SNX16: variants seen among roughly 807,000 people sequenced by gnomAD.
SNX16 encodes sorting nexin 16, also known as sorting nexin-16.
A neutral mutation model predicts 36.7 loss-of-function variants in SNX16; 35 were observed. The ratio of observed to expected loss-of-function variants is 0.95; its 90% confidence interval spans 0.73 to 1.27. SNX16 has a LOEUF of 1.27. Ranked by LOEUF, SNX16 falls within the 50% of genes most tolerant of loss-of-function variation. The pLI is 0.00. For synonymous variants in SNX16, 134 were observed against 132.0 expected (o/e 1.02, Z -0.10); for missense variants, 367 against 393.6 (o/e 0.93, Z 0.57).
At chr8:81,808,505 G>A in intron 5 of SNX16, 1 of 970,932 alleles carries the variant, frequency 1.0e-6, no homozygotes, top group South Asian at 1.3e-5. Context: ...ATGGCTATAA[G>A]GGATTTGGTA....
chr8:81,827,638 G>C (rs992910754), intron 3 of SNX16, among the ~76,000 whole-genome samples: 7 of 152,054 alleles, frequency 4.6e-5, no homozygotes, highest in African/African-American at 1.2e-4. Flanking sequence ...ATCTTAAAAT[G>C]GATAAAATAA....
At chr8:81,819,994 A>G (rs1327498501) in intron 4 of SNX16, among the ~76,000 whole-genome samples, 1 of 152,082 alleles carries the variant, frequency 6.6e-6, no homozygotes, top group Admixed American at 6.6e-5. Flanking sequence ...AAGTGAAAGA[A>G]CAATTAATAA....
intron 2 of SNX16, among the ~76,000 whole-genome samples, chr8:81,832,941 C>T (rs1318625367): frequency 1.3e-5 from 2 of 151,280 alleles, no homozygotes; most frequent in African/African-American, 2.4e-5. Flanking sequence ...AACTGCAGCT[C>T]TAGAGCTGCA....
chr8:81,823,279 T>A (rs1810858249), intron 4 of SNX16, among the ~76,000 whole-genome samples: 1 of 151,974 alleles, frequency 6.6e-6, no homozygotes, highest in Non-Finnish European at 1.5e-5. Flanking sequence ...AATTTTCTTG[T>A]AAATATATTC....
rs546122847 is a variant in SNX16, at chr8:81,799,639, T to C, written c.*1858A>G. 3.7e-4 allele frequency: 57 copies of C among 152,008 alleles called. No homozygotes were observed. Among genetic ancestry groups the C allele is most frequent in the African/African-American group, 1.3e-3 (55 of 41,546 alleles). The allele number at this position is 152,008 out of a possible 1,614,324, so 9.4% of individuals were successfully genotyped here. A position where few individuals can be genotyped will look rare whatever the true frequency, so the allele number is the denominator to read the frequency against. ...ATAATACTGGGAGTAAAATGCATTATAAAAGTAAAAAAAAGTAAATTATAA... is the reference window on the plus strand; with the variant it reads ...ATAATACTGGGAGTAAAATGCATTACAAAAGTAAAAAAAAGTAAATTATAA... On this transcript the variant is annotated 3_prime_UTR_variant, in exon 8 of 8. Transcript: ENST00000345957.
At chr8:81,818,668 T>C (rs1263786127) in intron 4 of SNX16, among the ~76,000 whole-genome samples, 1 of 152,162 alleles carries the variant, frequency 6.6e-6, no homozygotes, top group East Asian at 1.9e-4. Flanking sequence ...AGTACCTTCC[T>C]CTAACTTCTT....
intron 2 of SNX16, among the ~76,000 whole-genome samples, chr8:81,830,386 C>T (rs1416164829): frequency 6.6e-6 from 1 of 151,812 alleles, no homozygotes; most frequent in African/African-American, 2.4e-5. Context: ...CTGGCTAACA[C>T]AGTGCAACCC....
intron 2 of SNX16, among the ~76,000 whole-genome samples, chr8:81,831,677 C>A: frequency 7.7e-6 from 1 of 129,782 alleles, no homozygotes; most frequent in Non-Finnish European, 1.6e-5. Flanking sequence ...TAGCGAGTGA[C>A]AGAGTGAGAC....
rs530001327 is a variant in SNX16 at position 81,811,951 on chromosome 8, A to G, written c.681+3374T>C. Reference sequence around the variant, plus strand: ...AAGGATAATGATAATGAGTCAACAAATAGAAAAATCTCAATAAAGAGAAAG... The same window carrying G: ...AAGGATAATGATAATGAGTCAACAAGTAGAAAAATCTCAATAAAGAGAAAG... On this transcript the variant is annotated intron_variant, in intron 5 of 7. Coordinates refer to ENST00000345957, the MANE Select transcript of SNX16 (RefSeq NM_152836.3). Among the ~76,000 whole-genome samples the G allele has an allele frequency of 2.0e-5, 3 of 152,264 alleles. No homozygotes were observed. The South Asian group carries it at 6.2e-4, about 32-fold the overall frequency.
chr8:81,811,821 T>TA (rs1259976388), intron 5 of SNX16, among the ~76,000 whole-genome samples: 1 of 152,126 alleles, frequency 6.6e-6, no homozygotes, highest in African/African-American at 2.4e-5. Context: ...AGGCAGTCAA[T>TA]TGAAGCTATC....
intron 2 of SNX16, among the ~76,000 whole-genome samples, chr8:81,837,418 T>G (rs1445739316): frequency 6.6e-6 from 1 of 152,218 alleles, no homozygotes; most frequent in Non-Finnish European, 1.5e-5. Flanking sequence ...GTCTGTTAGG[T>G]CTGTTATAAC....
Position 81,801,549 on chromosome 8 carries a change from G to GC in SNX16, c.982dup (p.Ala328GlyfsTer13), listed in dbSNP as rs1397424578. On this transcript the variant is annotated frameshift_variant, in exon 8 of 8. Coordinates refer to ENST00000345957, the MANE Select transcript of SNX16 (RefSeq NM_152836.3). LOFTEE classifies it high-confidence loss of function. ...TTCTGCTACTTCTATCTCTGATACA[G>GC]CATTTTCAGGTTCACTAAAACTTAA... The GC allele has an allele frequency of 8.2e-6, 13 of 1,584,942 alleles. No homozygotes were observed. The highest frequency in any genetic ancestry group is 1.0e-5 in the Non-Finnish European group (12 of 1,172,158).
Position 81,803,099 on chromosome 8 carries a change from T to A in SNX16, c.811A>T (p.Arg271Ter). The A allele has an allele frequency of 6.2e-7, 1 of 1,606,210 alleles. No homozygotes were observed. The highest frequency in any genetic ancestry group is 8.5e-7 in the Non-Finnish European group (1 of 1,176,998). Residue 271 changes from arginine (R) to a stop codon, truncating the protein, a stop_gained, in exon 6 of 8, where the codon AGA (arginine) becomes TGA (stop). Coordinates refer to ENST00000345957, the MANE Select transcript of SNX16 (RefSeq NM_152836.3). LOFTEE classifies it high-confidence loss of function. ...KQLHIDTLEN[R>*]IRTLSLEPEE... ...GCAAGTATCACAACACACCTGATTC[T>A]GTTCTCTAAAGTGTCTATATGAAGT...
intron 2 of SNX16, among the ~76,000 whole-genome samples, chr8:81,837,371 C>T (rs1054435753): frequency 2.2e-4 from 34 of 152,264 alleles, no homozygotes; most frequent in Middle Eastern, 3.4e-3. Flanking sequence ...TTGTATTTGG[C>T]CAAATACTTG....
rs545590975 is a variant in SNX16 at position 81,811,849 on chromosome 8, G to A, written c.681+3476C>T. Among the ~76,000 whole-genome samples the A allele has an allele frequency of 2.0e-5, 3 of 152,154 alleles. No homozygotes were observed. In the East Asian group the frequency reaches 5.8e-4, roughly 29 times the overall value. On this transcript the variant is annotated intron_variant, in intron 5 of 7. Coordinates refer to ENST00000345957, the MANE Select transcript of SNX16 (RefSeq NM_152836.3). ...AAGCTATCTCTAAACGGCCCCAAAT[G>A]TTAGGCATATCAGGCAGTGATTTTT...
chr8:81,813,520 G>A (rs1015390464), intron 5 of SNX16, among the ~76,000 whole-genome samples: 5 of 141,178 alleles, frequency 3.5e-5, no homozygotes, highest in African/African-American at 1.2e-4. Flanking sequence ...TGTAATGTTG[G>A]GTTAGGCAAA....
chr8:81,832,731 A>G (rs547637737), intron 2 of SNX16, among the ~76,000 whole-genome samples: 65 of 151,850 alleles, frequency 4.3e-4, no homozygotes, highest in Non-Finnish European at 8.1e-4. Context: ...TCTATTTTTT[A>G]TAAGTATGCT....
intron 2 of SNX16, among the ~76,000 whole-genome samples, chr8:81,834,352 A>C (rs1677730647): frequency 6.6e-6 from 1 of 152,206 alleles, no homozygotes; most frequent in South Asian, 2.1e-4. Context: ...GTGGGGACAC[A>C]TTCAAACCAT....
In SNX16 at chr8:81,839,910, C is replaced by A; in HGVS notation, c.77G>T (p.Arg26Ile). 6.2e-7 allele frequency: 1 copy of A among 1,613,904 alleles called. No homozygotes were observed. The highest frequency in any genetic ancestry group is 8.5e-7 in the Non-Finnish European group (1 of 1,179,888). The change falls in exon 2 of 8, where the codon AGA becomes ATA. Residue 26 changes from arginine to isoleucine, a missense_variant. Arg to Ile is a moderately conservative substitution (Grantham distance 97). Coordinates refer to ENST00000345957, the MANE Select transcript of SNX16 (RefSeq NM_152836.3). ...ASSFTTNRNQ[R>I]SSSFGSVSTS... Reference sequence around the variant, plus strand: ...TGAGACACTGCCAAAAGAAGAACTTCTTTGATTTCTGTTTGTTGTAAAACT... The same window carrying A: ...TGAGACACTGCCAAAAGAAGAACTTATTTGATTTCTGTTTGTTGTAAAACT...
Sources: allele counts gnomAD v4.1 joint callset (sites outside exome capture counted in the v4.1 genomes callset), GRCh38; gene constraint gnomAD v4.1.1; transcripts MANE v1.5; gene names NCBI Gene and HGNC (gene_info 2026-07-23, HGNC 2026-07-21).